Variants in AGAP1 observed in about 807,000 individuals in gnomAD.
AGAP1 encodes the protein ArfGAP with GTPase domain, ankyrin repeat and PH domain 1, also known as arf-GAP with GTPase, ANK repeat and PH domain-containing protein 1.
A neutral mutation model predicts 105.3 loss-of-function variants in AGAP1; 29 were observed. That is an observed-to-expected ratio of 0.28 (90% CI 0.21 to 0.38). The LOEUF (loss-of-function observed/expected upper bound fraction) is 0.38, where lower values mean the gene tolerates loss of function less well. Among genes scored for constraint, AGAP1 ranks in the 10% least tolerant of loss-of-function variants. The probability of loss-of-function intolerance (pLI) is 1.00; values close to 1 mark genes in which losing one functional copy is unlikely to be tolerated. For missense variants in AGAP1, 998 were observed against 1,165.1 expected, an observed-to-expected ratio of 0.86 and a Z score of 2.09; for synonymous variants, 509 against 485.9, an observed-to-expected ratio of 1.05 and a Z score of -0.63.
chr2:235,932,796 C>A (rs985003645), intron 12 of AGAP1, among the ~76,000 whole-genome samples: 42 of 152,176 alleles, frequency 2.8e-4, no homozygotes, highest in African/African-American at 9.9e-4. Flanking sequence ...GTTTCCACAC[C>A]GCCACATCGT....
At position 236,040,592 on chromosome 2, in the gene AGAP1, T is replaced by C. The variant is rs1219111333; in HGVS notation, c.1801-159T>C. ...TGCATGATGATTTCTTCTTCAGTTA[T>C]GCTCTTTCCCAAAGACATCAAAACA... is the stretch of plus-strand genomic sequence containing the variant. On this transcript the variant is annotated intron_variant, in intron 14 of 17. Coordinates refer to ENST00000304032, the MANE Select transcript of AGAP1 (RefSeq NM_001037131.3). The surrounding 1 kb of genome is among the most constrained non-coding windows in gnomAD (Gnocchi z 5.6). 2.7e-4 allele frequency: 55 copies of C among 202,676 alleles called. No homozygotes were observed. The East Asian group carries it at 7.4e-3, about 27-fold the overall frequency. The allele number at this position is 202,676 out of a possible 1,614,324, so 12.6% of individuals were successfully genotyped here.
chr2:235,840,923 G>A (rs1960756910), intron 9 of AGAP1, among the ~76,000 whole-genome samples: 1 of 152,056 alleles, frequency 6.6e-6, no homozygotes, highest in Non-Finnish European at 1.5e-5. Flanking sequence ...AGGGACAAAG[G>A]CAGAATCCCC....
intron 16 of AGAP1, among the ~76,000 whole-genome samples, chr2:236,052,797 T>G (rs982513725): frequency 5.3e-5 from 8 of 152,112 alleles, no homozygotes; most frequent in African/African-American, 1.9e-4. Flanking sequence ...GGGTTTAATT[T>G]GGAAAAAGAA....
intron 12 of AGAP1, among the ~76,000 whole-genome samples, chr2:235,956,691 A>T (rs1018874439): frequency 6.6e-6 from 1 of 152,150 alleles, no homozygotes; most frequent in Non-Finnish European, 1.5e-5. Context: ...AGGCTGGGGG[A>T]CACCCCTTCA....
In AGAP1 at chr2:235,705,995, A is replaced by G. The variant is rs868636433; in HGVS notation, c.164-3184A>G. On this transcript the variant is annotated intron_variant, in intron 1 of 17. Transcript: ENST00000304032. The surrounding 1 kb of genome is among the most constrained non-coding windows in gnomAD (Gnocchi z 4.9). ...CACAGTTTACCCTCTTTGTTTTACT[A>G]TTAAAGTTCATTTTTAAAACTTCAC... Among the ~76,000 whole-genome samples, 1 of 152,204 alleles carries G rather than the reference A, an allele frequency of 6.6e-6. No individual in the cohort carries two copies. The highest frequency in any genetic ancestry group is 1.5e-5 in the Non-Finnish European group (1 of 68,044).
rs555619930 is a variant in AGAP1 at position 235,901,878 on chromosome 2, C to T, written c.1156-6860C>T. On this transcript the variant is annotated intron_variant, in intron 10 of 17. Coordinates refer to ENST00000304032, the MANE Select transcript of AGAP1 (RefSeq NM_001037131.3). The surrounding 1 kb of genome is among the most constrained non-coding windows in gnomAD (Gnocchi z 4.3). ...TGGGCGACAGAGTGAGACTCCGTCTCGGAAAAAAAAAAAAAAATTATGGAG... is the reference window on the plus strand; with the variant it reads ...TGGGCGACAGAGTGAGACTCCGTCTTGGAAAAAAAAAAAAAAATTATGGAG... 0.049 allele frequency among the ~76,000 whole-genome samples: 2,778 copies of T among 57,024 alleles called. 97 individuals carry two copies. The highest frequency in any genetic ancestry group is 0.16 in the African/African-American group (2,605 of 16,524). 37.4% of individuals were successfully genotyped at this position (57,024 alleles called of 152,430 possible).
chr2:235,758,151 T>C (rs755597428), intron 6 of AGAP1, among the ~76,000 whole-genome samples: 2 of 152,148 alleles, frequency 1.3e-5, no homozygotes, highest in Non-Finnish European at 2.9e-5. Flanking sequence ...CGTGCATGTG[T>C]GTGTGTATAT....
intron 6 of AGAP1, among the ~76,000 whole-genome samples, chr2:235,768,603 G>C (rs1293791084): frequency 6.6e-6 from 1 of 152,222 alleles, no homozygotes; most frequent in Non-Finnish European, 1.5e-5. Flanking sequence ...GGCATTCTGT[G>C]GGGAGCCAAT....
Position 235,728,623 on chromosome 2 carries a change from T to G in AGAP1, c.310+10979T>G, listed in dbSNP as rs1951778261. ...AAAGCTGGTGGTGGTCTGTTCTTGT[T>G]GTATGAGGGCAGCCCATGTCGCCAG... On this transcript the variant is annotated intron_variant, in intron 3 of 17. Coordinates refer to ENST00000304032, the MANE Select transcript of AGAP1 (RefSeq NM_001037131.3). The surrounding 1 kb of genome is among the most constrained non-coding windows in gnomAD (Gnocchi z 4.3). 6.6e-6 allele frequency among the ~76,000 whole-genome samples: 1 copy of G among 152,154 alleles called. No individual in the cohort carries two copies. Among genetic ancestry groups the G allele is most frequent in the South Asian group, 2.1e-4 (1 of 4,834 alleles).
chr2:235,708,779 C>T (rs1386178056), intron 1 of AGAP1, among the ~76,000 whole-genome samples: 3 of 152,162 alleles, frequency 2.0e-5, no homozygotes, highest in Non-Finnish European at 4.4e-5. Flanking sequence ...TGTGGACCGA[C>T]AGGCTATAAC....
At chr2:235,640,939 C>A (rs1302911393) in intron 1 of AGAP1, among the ~76,000 whole-genome samples, 1 of 152,214 alleles carries the variant, frequency 6.6e-6, no homozygotes, top group Non-Finnish European at 1.5e-5. Context: ...GGCTGCTCCA[C>A]CTGTTTTCCT....
At chr2:235,735,588 A>G (rs1421591449) in intron 3 of AGAP1, among the ~76,000 whole-genome samples, 2 of 152,182 alleles carry the variant, frequency 1.3e-5, no homozygotes, top group Admixed American at 6.5e-5. Context: ...TTAAAAAACG[A>G]AAGAGTGTAG....
intron 1 of AGAP1, among the ~76,000 whole-genome samples, chr2:235,590,680 T>TGTGTGTGTGTGC (rs1553574141): frequency 1.2e-4 from 14 of 116,570 alleles, no homozygotes; most frequent in South Asian, 3.0e-4. Context: ...TGTGTGTGTG[T>TGTGTGTGTGTGC]GTGTGCGTGT....
At position 236,021,707 on chromosome 2, in the gene AGAP1, G is replaced by A. The variant is rs568289604; in HGVS notation, c.1646-14854G>A. On this transcript the variant is annotated intron_variant, in intron 13 of 17. Coordinates refer to ENST00000304032, the MANE Select transcript of AGAP1 (RefSeq NM_001037131.3). ...GTATCGCAAGATGTTTTCAATTTGC[G>A]GTCAGATAACTATTTTTTTTTCCCC... 3.3e-4 allele frequency among the ~76,000 whole-genome samples: 50 copies of A among 152,126 alleles called. 1 individual carries two copies. Among genetic ancestry groups the A allele is most frequent in the African/African-American group, 1.0e-3 (43 of 41,478 alleles).
chr2:235,510,273 C>A (rs940977926), intron 1 of AGAP1, among the ~76,000 whole-genome samples: 1 of 152,222 alleles, frequency 6.6e-6, no homozygotes, highest in Non-Finnish European at 1.5e-5. Flanking sequence ...GTCCCTGATG[C>A]CAAGAAGGTT....
At position 236,119,819 on chromosome 2, in the gene AGAP1, C is replaced by A. The variant is rs1301668213; in HGVS notation, c.2115-373C>A. The stretch of plus-strand genomic sequence containing the variant: ...GAGCCCTCACTTGGTAGTTTTCTTT[C>A]CAAGGACAGCTTCTACACTAAAAGT... On this transcript the variant is annotated intron_variant, in intron 16 of 17. Coordinates refer to ENST00000304032, the MANE Select transcript of AGAP1 (RefSeq NM_001037131.3). The surrounding 1 kb of genome is among the most constrained non-coding windows in gnomAD (Gnocchi z 6.6). Among the ~76,000 whole-genome samples the A allele has an allele frequency of 6.6e-6, 1 of 152,130 alleles. No individual in the cohort carries two copies. Among genetic ancestry groups the A allele is most frequent in the Non-Finnish European group, 1.5e-5 (1 of 68,024 alleles).
chr2:236,092,014 T>A lies in AGAP1; in HGVS notation c.2115-28178T>A, dbSNP rs376131576. ...GAATTACATTGAGTGAAAAAAAGCC[T>A]GTCCCAAAAGATTACGTGCTGTAGG... is the stretch of plus-strand genomic sequence containing the variant. On this transcript the variant is annotated intron_variant, in intron 16 of 17. Coordinates refer to ENST00000304032, the MANE Select transcript of AGAP1 (RefSeq NM_001037131.3). The surrounding 1 kb of genome is among the most constrained non-coding windows in gnomAD (Gnocchi z 4.7). Among the ~76,000 whole-genome samples, 26 of 152,356 alleles carry A rather than the reference T, an allele frequency of 1.7e-4. No individual in the cohort carries two copies. The South Asian group carries it at 4.8e-3, about 28-fold the overall frequency.
chr2:236,047,657 T>C (rs1481397420), intron 15 of AGAP1, among the ~76,000 whole-genome samples: 1 of 133,602 alleles, frequency 7.5e-6, no homozygotes, highest in African/African-American at 3.0e-5. Context: ...TGGAGTGCAG[T>C]GGCAGGATCT....
intron 11 of AGAP1, among the ~76,000 whole-genome samples, chr2:235,929,881 C>T (rs1028522144): frequency 6.6e-6 from 1 of 152,162 alleles, no homozygotes; most frequent in Non-Finnish European, 1.5e-5. Context: ...CTGTGAAAAA[C>T]TTATGTTGAG....
Sources: gnomAD v4.1 joint callset for allele counts (sites outside exome capture counted in the v4.1 genomes callset) on GRCh38, gnomAD v4.1.1 for gene constraint, Gnocchi (gnomAD v3.1) non-coding constraint, MANE v1.5 for transcripts, NCBI Gene and HGNC (gene_info 2026-07-23, HGNC 2026-07-21) for gene names.